The following ERI1 variants were observed in gnomAD, a reference collection of about 807,000 sequenced individuals.
ERI1 encodes 3'-5' exoribonuclease 1.
A neutral mutation model predicts 39.7 loss-of-function variants in ERI1; 39 were observed. The ratio of observed to expected loss-of-function variants is 0.98; its 90% CI spans 0.76 to 1.28. ERI1 has a LOEUF of 1.28. ERI1 is among the 50% of genes most tolerant of loss of function. The probability of loss-of-function intolerance (pLI) is 0.00; values close to 1 mark genes in which losing one functional copy is unlikely to be tolerated. For synonymous variants in ERI1, 204 were observed against 149.6 expected, an observed-to-expected ratio of 1.36 and a Z score of -2.65; for missense variants, 581 against 416.9, an observed-to-expected ratio of 1.39 and a Z score of -3.43.
In ERI1 at chr8:9,059,385, T is replaced by G. The variant is rs191981516; in HGVS notation, n.299+38921T>G. Among the ~76,000 whole-genome samples the G allele has an allele frequency of 5.3e-3, 802 of 152,028 alleles. 4 individuals are homozygous for G. The highest frequency in any genetic ancestry group is 0.018 in the African/African-American group (762 of 41,446). ...AAAGTGTTGGGGTGGCGAAAATTTT[T>G]GGGGGTGGTTTGGAGAGATAACGGG... On this transcript the variant is annotated intron_variant and non_coding_transcript_variant, in intron 3 of 3. Transcript: ENST00000518663.
chr8:9,088,952 G>C (rs1346691296), intron 3 of ERI1, among the ~76,000 whole-genome samples: 1 of 152,178 alleles, frequency 6.6e-6, no homozygotes, highest in African/African-American at 2.4e-5. Flanking sequence ...CGTGACGTTA[G>C]TTCCTAAGCT....
chr8:9,003,080 G>C lies in ERI1; in HGVS notation c.17G>C (p.Ser6Thr), dbSNP rs1392187226. Reference sequence around the variant, plus strand: ...ACAGCCGGCATGGAGGATCCACAGAGTAAAGAGCCTGCCGGCGAGGCCGTG... The same window carrying C: ...ACAGCCGGCATGGAGGATCCACAGACTAAAGAGCCTGCCGGCGAGGCCGTG... MEDPQ[S>T]KEPAGEAVAL... Residue 6 changes from serine to threonine, a missense_variant, in exon 1 of 7, where the codon AGT becomes ACT. Transcript: ENST00000250263. The C allele has an allele frequency of 1.6e-6, 2 of 1,248,474 alleles. No individual in the cohort carries two copies. The highest frequency in any genetic ancestry group is 2.0e-6 in the Non-Finnish European group (2 of 989,072). 77.3% of individuals were successfully genotyped at this position (1,248,474 alleles called of 1,614,324 possible).
At chr8:9,087,758 T>G (rs1563098017) in intron 3 of ERI1, among the ~76,000 whole-genome samples, 1 of 152,108 alleles carries the variant, frequency 6.6e-6, no homozygotes, top group Non-Finnish European at 1.5e-5. Context: ...GGTGGGAGCA[T>G]CAGGCCCCAC....
intron 3 of ERI1, among the ~76,000 whole-genome samples, chr8:9,072,802 G>T (rs1487667454): frequency 2.0e-5 from 3 of 152,120 alleles, no homozygotes; most frequent in Non-Finnish European, 4.4e-5. Flanking sequence ...AGCAGCCCCA[G>T]AGAGAGAAGC....
At chr8:9,035,436 C>T (rs1382757444), downstream of ERI1, among the ~76,000 whole-genome samples, 1 of 152,132 alleles carries the variant, frequency 6.6e-6, no homozygotes, top group Non-Finnish European at 1.5e-5. Flanking sequence ...ATCCTAGGGC[C>T]CTTATGCTAA....
intron 1 of ERI1, among the ~76,000 whole-genome samples, chr8:9,003,697 C>T (rs1815629529): frequency 6.6e-6 from 1 of 152,160 alleles, no homozygotes; most frequent in African/African-American, 2.4e-5. Flanking sequence ...TTGAATGAAT[C>T]ATTTTGACAT....
intron 3 of ERI1, among the ~76,000 whole-genome samples, chr8:9,077,674 A>T (rs1377864530): frequency 2.6e-5 from 4 of 152,208 alleles, no homozygotes; most frequent in African/African-American, 9.6e-5. Flanking sequence ...CTATGGTAAA[A>T]GTCTCTCTGA....
At chr8:9,078,076 A>G (rs960386795) in intron 3 of ERI1, among the ~76,000 whole-genome samples, 1 of 151,310 alleles carries the variant, frequency 6.6e-6, no homozygotes, top group Non-Finnish European at 1.5e-5. Flanking sequence ...TGCAACCTCC[A>G]CCTCCTGGGT....
At chr8:9,005,872 A>C (rs1009238558) in intron 1 of ERI1, among the ~76,000 whole-genome samples, 1 of 152,252 alleles carries the variant, frequency 6.6e-6, no homozygotes, top group East Asian at 1.9e-4. Context: ...GCCACATCCC[A>C]TAATGTAAAA....
chr8:9,042,008 A>G (rs193179572), intron 3 of ERI1, among the ~76,000 whole-genome samples: 208 of 152,352 alleles, frequency 1.4e-3, no homozygotes, highest in Admixed American at 3.3e-3. Flanking sequence ...TGCTGGGATT[A>G]TAGGCATGAG....
intron 3 of ERI1, among the ~76,000 whole-genome samples, chr8:9,079,236 G>C (rs1475350695): frequency 6.6e-6 from 1 of 152,150 alleles, no homozygotes; most frequent in African/African-American, 2.4e-5. Flanking sequence ...ACAATGGGGA[G>C]GAATAGCAGA....
intron 3 of ERI1, among the ~76,000 whole-genome samples, chr8:9,038,375 T>C (rs1037854154): frequency 3.9e-5 from 6 of 152,254 alleles, no homozygotes; most frequent in African/African-American, 1.2e-4. Flanking sequence ...TTTCATGTTA[T>C]AGCTTGTCAT....
intron 4 of ERI1, among the ~76,000 whole-genome samples, chr8:9,018,092 G>C (rs1817492898): frequency 6.6e-6 from 1 of 152,190 alleles, no homozygotes; most frequent in Non-Finnish European, 1.5e-5. Context: ...CTTTTCAGTT[G>C]AAAGTAGTCC....
intron 3 of ERI1, among the ~76,000 whole-genome samples, chr8:9,098,442 C>T (rs562308901): frequency 6.6e-6 from 1 of 152,248 alleles, no homozygotes; most frequent in South Asian, 2.1e-4. Context: ...CGCTTGAACC[C>T]GGGACGCAGA....
chr8:9,035,868 C>A (rs888966495), downstream of ERI1, among the ~76,000 whole-genome samples: 6 of 152,076 alleles, frequency 3.9e-5, no homozygotes, highest in African/African-American at 1.2e-4. Context: ...ATTTGTGATT[C>A]GTGAGAGGAG....
intron 3 of ERI1, among the ~76,000 whole-genome samples, chr8:9,049,470 G>GGGAGTCCTGCAACTA (rs1193849457): frequency 1.3e-5 from 2 of 151,592 alleles, no homozygotes; most frequent in African/African-American, 4.8e-5. Flanking sequence ...AGGGAGTGCG[G>GGGAGTCCTGCAACTA]GGAGTCCTGC....
At chr8:9,017,039 TTTTTA>T (rs1303261395) in intron 4 of ERI1, among the ~76,000 whole-genome samples, 1 of 151,814 alleles carries the variant, frequency 6.6e-6, no homozygotes, top group East Asian at 1.9e-4. Context: ...TTGCATTTAT[TTTTTA>T]TTTTTATTTT....
At chr8:9,052,287 C>A (rs571976609) in intron 3 of ERI1, among the ~76,000 whole-genome samples, 1 of 151,994 alleles carries the variant, frequency 6.6e-6, no homozygotes, top group Admixed American at 6.6e-5. Context: ...TTCTTCCATT[C>A]TTCCGTGTCC....
At chr8:9,080,934 A>C (rs967988827) in intron 3 of ERI1, among the ~76,000 whole-genome samples, 2 of 152,220 alleles carry the variant, frequency 1.3e-5, no homozygotes, top group African/African-American at 4.8e-5. Flanking sequence ...TTATTAGTCC[A>C]GTCTCACACT....
Sources: allele counts gnomAD v4.1 joint callset (sites outside exome capture counted in the v4.1 genomes callset), GRCh38; gene constraint gnomAD v4.1.1; transcripts MANE v1.5; gene names NCBI Gene and HGNC (gene_info 2026-07-23, HGNC 2026-07-21).